Variants in NFATC2 observed in about 807,000 individuals in gnomAD.
The protein encoded by NFATC2 is nuclear factor of activated T cells 2, also known as nuclear factor of activated T-cells, cytoplasmic 2.
A neutral mutation model predicts 87.3 loss-of-function variants in NFATC2; 22 were observed. That is an observed-to-expected ratio of 0.25 (90% CI 0.18 to 0.36). NFATC2 has a LOEUF of 0.36. NFATC2 is among the 10% of genes least tolerant of loss of function. NFATC2 has a pLI of 1.00. For synonymous variants in NFATC2, 565 were observed against 542.2 expected, an observed-to-expected ratio of 1.04 and a Z score of -0.58; for missense variants, 1,149 against 1,259.1, an observed-to-expected ratio of 0.91 and a Z score of 1.32.
intron 3 of NFATC2, 98 bp downstream of exon 3, chr20:51,516,686 C>A: frequency 1.5e-6 from 2 of 1,305,102 alleles, no homozygotes; most frequent in South Asian, 2.9e-5. Context: ...GGCTGAGACA[C>A]ATACCTCACC....
At chr20:51,550,592 AAATAATAAT>A (rs74175559) in intron 1 of NFATC2, among the ~76,000 whole-genome samples, 2 of 151,562 alleles carry the variant, frequency 1.3e-5, no homozygotes, top group African/African-American at 4.8e-5. Flanking sequence ...ACTCCATCTC[AAATAATAAT>A]AATAATAATA....
chr20:51,513,906 C>A (rs900298643), intron 3 of NFATC2, among the ~76,000 whole-genome samples: 1 of 152,212 alleles, frequency 6.6e-6, no homozygotes, highest in Non-Finnish European at 1.5e-5. Flanking sequence ...GCAGGAAGAG[C>A]TGGTCTGCAA....
chr20:51,478,061 C>T (rs1285545951), intron 3 of NFATC2, among the ~76,000 whole-genome samples: 2 of 152,074 alleles, frequency 1.3e-5, no homozygotes, highest in African/African-American at 4.8e-5. Flanking sequence ...CTCATGTCCC[C>T]TTCTAAAAGC....
At chr20:51,501,814 T>C (rs1027199643) in intron 3 of NFATC2, among the ~76,000 whole-genome samples, 3 of 152,202 alleles carry the variant, frequency 2.0e-5, no homozygotes, top group African/African-American at 7.2e-5. Context: ...CCATCTCCAG[T>C]CAGCAAACTT....
intron 3 of NFATC2, among the ~76,000 whole-genome samples, chr20:51,510,021 CAT>C (rs1213507614): frequency 2.0e-5 from 3 of 152,210 alleles, no homozygotes; most frequent in Admixed American, 6.5e-5. Context: ...GTTTTTTCCA[CAT>C]GTCTGAACAT....
intron 5 of NFATC2, among the ~76,000 whole-genome samples, chr20:51,457,426 G>A (rs953260831): frequency 2.6e-5 from 4 of 152,176 alleles, no homozygotes; most frequent in Admixed American, 6.5e-5. Flanking sequence ...AGGCTGGCGC[G>A]GACAGTTGGG....
intron 3 of NFATC2, among the ~76,000 whole-genome samples, chr20:51,481,064 C>T (rs1989212194): frequency 6.6e-6 from 1 of 152,140 alleles, no homozygotes. Flanking sequence ...GAAAGGAATA[C>T]TTCCCGTCCA....
chr20:51,416,435 C>G (rs1980049800), intron 9 of NFATC2, among the ~76,000 whole-genome samples: 1 of 152,204 alleles, frequency 6.6e-6, no homozygotes, highest in African/African-American at 2.4e-5. Flanking sequence ...GCTTCTCACT[C>G]TGTCTGGCTG....
At chr20:51,492,876 C>G (rs1469973989) in intron 3 of NFATC2, among the ~76,000 whole-genome samples, 1 of 152,264 alleles carries the variant, frequency 6.6e-6, no homozygotes, top group African/African-American at 2.4e-5. Flanking sequence ...AAGCGTGTTC[C>G]TTTCATGTCG....
chr20:51,470,402 C>G (rs1329353508), intron 5 of NFATC2, among the ~76,000 whole-genome samples: 1 of 152,170 alleles, frequency 6.6e-6, no homozygotes, highest in Admixed American at 6.5e-5. Flanking sequence ...GATTGCAGCT[C>G]TGACCAGCTG....
intron 9 of NFATC2, among the ~76,000 whole-genome samples, chr20:51,407,572 C>T (rs151245335): frequency 6.6e-6 from 1 of 152,310 alleles, no homozygotes; most frequent in Non-Finnish European, 1.5e-5. Context: ...CTGGGAATCA[C>T]GCTTCATGGT....
Position 51,474,247 on chromosome 20 carries a change from G to A in NFATC2, c.1536-95C>T, listed in dbSNP as rs553552419. 461 of 1,455,004 alleles carry A rather than the reference G, an allele frequency of 3.2e-4. 4 individuals are homozygous for A. The South Asian group carries it at 5.6e-3, about 18-fold the overall frequency. 90.1% of individuals were successfully genotyped at this position (1,455,004 alleles called of 1,614,324 possible). A position where few individuals can be genotyped will look rare whatever the true frequency, so the allele number is the denominator to read the frequency against. ...GCCAGTCTACAGCCAGTCACTGGGG[G>A]AAACTGCAATACACTCACATAAGCA... On this transcript the variant is annotated intron_variant, in intron 4 of 10. Transcript: ENST00000371564.
chr20:51,448,793 G>C (rs1447040721), intron 6 of NFATC2, among the ~76,000 whole-genome samples: 2 of 152,204 alleles, frequency 1.3e-5, no homozygotes, highest in Non-Finnish European at 2.9e-5. Flanking sequence ...GGCAGGGAGA[G>C]AGTCAAAAAA....
At chr20:51,466,398 A>G (rs539274576) in intron 5 of NFATC2, among the ~76,000 whole-genome samples, 24 of 152,180 alleles carry the variant, frequency 1.6e-4, no homozygotes, top group Non-Finnish European at 3.4e-4. Context: ...GCAATGCTGC[A>G]TTAGCACCCA....
intron 9 of NFATC2, among the ~76,000 whole-genome samples, chr20:51,418,659 G>GTTTTTTTTTTTTTTTTTTTTT (rs752511466): frequency 8.0e-6 from 1 of 125,106 alleles, no homozygotes; most frequent in African/African-American, 3.4e-5. Flanking sequence ...TGTTTGTTTG[G>GTTTTTTTTTTTTTTTTTTTTT]TTTTTTTTTT....
chr20:51,398,864 G>C, intron 9 of NFATC2, 134 bp from the exon 10 acceptor site: 2 of 653,876 alleles, frequency 3.1e-6, no homozygotes, highest in South Asian at 1.7e-5. Context: ...GTTTAAGCCA[G>C]AATTCTGCAA....
At chr20:51,531,122 T>C (rs1188050254) in intron 1 of NFATC2, among the ~76,000 whole-genome samples, 1 of 152,230 alleles carries the variant, frequency 6.6e-6, no homozygotes, top group Non-Finnish European at 1.5e-5. Context: ...CTCCCCGTTG[T>C]GGCAACCAAA....
intron 2 of NFATC2, among the ~76,000 whole-genome samples, chr20:51,518,293 C>T (rs1600928538): frequency 6.6e-6 from 1 of 152,118 alleles, no homozygotes; most frequent in African/African-American, 2.4e-5. Context: ...TATTTTTTCC[C>T]AGTTAGCTCA....
chr20:51,502,104 T>C (rs1211545331), intron 3 of NFATC2, among the ~76,000 whole-genome samples: 1 of 152,214 alleles, frequency 6.6e-6, no homozygotes, highest in Non-Finnish European at 1.5e-5. Flanking sequence ...TTCTGCATTC[T>C]TCATGAGCTC....
Sources: allele counts gnomAD v4.1 joint callset (sites outside exome capture counted in the v4.1 genomes callset), GRCh38; gene constraint gnomAD v4.1.1; transcripts MANE v1.5; gene names NCBI Gene and HGNC (gene_info 2026-07-23, HGNC 2026-07-21).